GPR149: variants seen among roughly 807,000 people sequenced by gnomAD.
The protein encoded by GPR149 is probable G protein-coupled receptor 149.
Under a neutral mutation model 50.2 loss-of-function variants are expected in GPR149, and 50 were observed. The observed-to-expected ratio is 1.00, with a 90% confidence interval of 0.79 to 1.26. GPR149 has a LOEUF of 1.26. Among genes scored for constraint, GPR149 ranks in the 50% most tolerant of loss-of-function variants. The pLI is 0.00. For missense variants in GPR149, 983 were observed against 895.4 expected, an observed-to-expected ratio of 1.10 and a Z score of -1.25; for synonymous variants, 405 against 358.2, an observed-to-expected ratio of 1.13 and a Z score of -1.48.
At chr3:154,413,168 C>T (rs578039449) in intron 3 of GPR149, among the ~76,000 whole-genome samples, 1 of 152,142 alleles carries the variant, frequency 6.6e-6, no homozygotes, top group East Asian at 1.9e-4. Flanking sequence ...TGGATCAAGA[C>T]TTAAATCTAA....
chr3:154,407,824 A>C (rs1425363730), intron 3 of GPR149, among the ~76,000 whole-genome samples: 1 of 152,058 alleles, frequency 6.6e-6, no homozygotes, highest in Non-Finnish European at 1.5e-5. Context: ...TCTAAATACT[A>C]TTTTCCAATT....
At chr3:154,363,557 T>A (rs773517010) in intron 3 of GPR149, among the ~76,000 whole-genome samples, 1 of 151,488 alleles carries the variant, frequency 6.6e-6, no homozygotes, top group Non-Finnish European at 1.5e-5. Context: ...ATGTTAATCC[T>A]GATAGTGACA....
chr3:154,391,794 A>G (rs1715178572), intron 3 of GPR149, among the ~76,000 whole-genome samples: 1 of 151,830 alleles, frequency 6.6e-6, no homozygotes, highest in African/African-American at 2.4e-5. Context: ...TTTAGATTTA[A>G]GGACACATAT....
chr3:154,379,986 A>G (rs189123082), intron 3 of GPR149, among the ~76,000 whole-genome samples: 73 of 152,288 alleles, frequency 4.8e-4, no homozygotes, highest in African/African-American at 1.6e-3. Context: ...GCAAACAAAT[A>G]AAAATAAACA....
chr3:154,396,732 C>T (rs1009181689), intron 3 of GPR149, among the ~76,000 whole-genome samples: 5 of 151,746 alleles, frequency 3.3e-5, no homozygotes, highest in African/African-American at 9.7e-5. Context: ...TTTGTAGGTG[C>T]GAGTTCCTAT....
At chr3:154,378,078 TCC>T (rs34317201) in intron 3 of GPR149, among the ~76,000 whole-genome samples, 9 of 72,896 alleles carry the variant, frequency 1.2e-4, no homozygotes, top group South Asian at 8.7e-4. Context: ...TATTGATATA[TCC>T]CCCCCCCCTT....
At chr3:154,375,361 A>G (rs1294729190) in intron 3 of GPR149, among the ~76,000 whole-genome samples, 1 of 152,150 alleles carries the variant, frequency 6.6e-6, no homozygotes, top group African/African-American at 2.4e-5. Context: ...ATTCAGTACC[A>G]TCATCATAGC....
At chr3:154,372,348 C>T (rs1714685719) in intron 3 of GPR149, among the ~76,000 whole-genome samples, 2 of 152,068 alleles carry the variant, frequency 1.3e-5, no homozygotes, top group South Asian at 4.1e-4. Flanking sequence ...TGTAAACTTC[C>T]CTGTGTCCTC....
chr3:154,369,658 A>G (rs1254650670), intron 3 of GPR149, among the ~76,000 whole-genome samples: 1 of 152,386 alleles, frequency 6.6e-6, no homozygotes. Flanking sequence ...ATTTGGGCCC[A>G]TTCACGTGCA....
At chr3:154,347,161 C>A (rs1439432178) in intron 3 of GPR149, among the ~76,000 whole-genome samples, 2 of 152,170 alleles carry the variant, frequency 1.3e-5, no homozygotes. Flanking sequence ...GAAGTGTGTA[C>A]TATATGCTGG....
chr3:154,395,050 T>C (rs987548587), intron 3 of GPR149, among the ~76,000 whole-genome samples: 3 of 152,158 alleles, frequency 2.0e-5, no homozygotes, highest in African/African-American at 7.2e-5. Context: ...TCAGCAAGTC[T>C]ATAGTTCATG....
At position 154,355,465 on chromosome 3, in the gene GPR149, T is replaced by C. The variant is rs1283552428; in HGVS notation, c.1624-17194A>G. 2.0e-5 allele frequency among the ~76,000 whole-genome samples: 3 copies of C among 152,252 alleles called. No individual in the cohort carries two copies. The East Asian group carries it at 5.8e-4, about 29-fold the overall frequency. On this transcript the variant is annotated intron_variant, in intron 3 of 3. Coordinates refer to ENST00000389740, the MANE Select transcript of GPR149 (RefSeq NM_001038705.3). The stretch of plus-strand genomic sequence containing the variant: ...TTGGATTTAAGTGTGTTGTTTCTCT[T>C]GGGATTATTAGACAGGGTTTTTCAT...
intron 3 of GPR149, among the ~76,000 whole-genome samples, chr3:154,407,115 T>G (rs1711716406): frequency 6.6e-6 from 1 of 152,200 alleles, no homozygotes; most frequent in Non-Finnish European, 1.5e-5. Context: ...GATCTCCCAC[T>G]GGGTCCCTCC....
At chr3:154,373,919 T>C (rs1340705770) in intron 3 of GPR149, among the ~76,000 whole-genome samples, 2 of 152,216 alleles carry the variant, frequency 1.3e-5, no homozygotes, top group Non-Finnish European at 2.9e-5. Context: ...CAAATGTTTG[T>C]TCAATTAATG....
rs750193446 is a variant in GPR149 at position 154,428,790 on chromosome 3, C to G, written c.826G>C (p.Gly276Arg). 7 of 1,613,880 alleles carry G rather than the reference C, an allele frequency of 4.3e-6. No individual in the cohort carries two copies. Among genetic ancestry groups the G allele is most frequent in the Non-Finnish European group, 5.9e-6 (7 of 1,180,012 alleles). The change falls in exon 1 of 4, where the codon GGA (glycine) becomes CGA (arginine). Residue 276 changes from glycine to arginine, a missense_variant. Gly to Arg is a moderately radical substitution (Grantham distance 125). Transcript: ENST00000389740. ...GCSPSSDTVF[G>R]PGAPAAAGAE... ...CCAGCGGCAGCGGGCGCACCCGGTC[C>G]GAACACGGTGTCGGAGCTCGGAGAG...
At chr3:154,415,042 CTG>C (rs1711949445) in intron 3 of GPR149, among the ~76,000 whole-genome samples, 1 of 151,890 alleles carries the variant, frequency 6.6e-6, no homozygotes, top group South Asian at 2.1e-4. Flanking sequence ...TATTGAAACT[CTG>C]TACTATTTTT....
chr3:154,424,364 T>G (rs575357729), intron 2 of GPR149, among the ~76,000 whole-genome samples: 1 of 151,932 alleles, frequency 6.6e-6, no homozygotes, highest in South Asian at 2.1e-4. Context: ...GTAGGAATCA[T>G]GCTTGGTGTG....
rs1333647656 is a variant in GPR149, at chr3:154,429,823, A to T, written c.-208T>A. The T allele has an allele frequency of 2.4e-5, 4 of 168,228 alleles. No individual in the cohort carries two copies. The highest frequency in any genetic ancestry group is 1.2e-4 in the South Asian group (1 of 8,212). The allele number at this position is 168,228 out of a possible 1,614,324, so 10.4% of individuals were successfully genotyped here. A position where few individuals can be genotyped will look rare whatever the true frequency, so the allele number is the denominator to read the frequency against. Reference sequence around the variant, plus strand: ...AAAATTAGGTTCCATTTCAAGCATAAAAAAAAAAAAACCCGAACAGATAAC... The same window carrying T: ...AAAATTAGGTTCCATTTCAAGCATATAAAAAAAAAAACCCGAACAGATAAC... On this transcript the variant is annotated 5_prime_UTR_variant, in exon 1 of 4. Transcript: ENST00000389740.
chr3:154,383,525 G>A (rs964331442), intron 3 of GPR149, among the ~76,000 whole-genome samples: 1 of 152,094 alleles, frequency 6.6e-6, no homozygotes, highest in Non-Finnish European at 1.5e-5. Flanking sequence ...AATGCCTGTT[G>A]ACTTGATACA....
Sources: gnomAD v4.1 joint callset for allele counts (sites outside exome capture counted in the v4.1 genomes callset) on GRCh38, gnomAD v4.1.1 for gene constraint, MANE v1.5 for transcripts, NCBI Gene and HGNC (gene_info 2026-07-23, HGNC 2026-07-21) for gene names.